Variants in GRID1 observed in about 807,000 individuals in gnomAD.
The protein encoded by GRID1 is glutamate ionotropic receptor delta type subunit 1, also known as glutamate receptor ionotropic, delta-1.
GRID1 carries 28 observed loss-of-function variants against 98.0 expected under a neutral mutation model. The observed-to-expected ratio is 0.29, with a 90% CI of 0.21 to 0.39. The LOEUF (loss-of-function observed/expected upper bound fraction) is 0.39. Ranked by LOEUF, GRID1 falls within the 10% of genes least tolerant of loss-of-function variation. The probability of loss-of-function intolerance (pLI) is 1.00; values close to 1 mark genes in which losing one functional copy is unlikely to be tolerated. For synonymous variants in GRID1, 553 were observed against 538.5 expected (o/e 1.03, Z -0.37); for missense variants, 1,111 against 1,340.5 (o/e 0.83, Z 2.67).
At chr10:85,780,028 G>C (rs751575206) in intron 8 of GRID1, among the ~76,000 whole-genome samples, 8 of 152,196 alleles carry the variant, frequency 5.3e-5, no homozygotes, top group Non-Finnish European at 1.0e-4. Flanking sequence ...TTCTTTCCAG[G>C]CACTAGCCCA....
chr10:86,343,124 TCAGA>T (rs1326351324), intron 2 of GRID1, among the ~76,000 whole-genome samples: 1 of 152,240 alleles, frequency 6.6e-6, no homozygotes, highest in Non-Finnish European at 1.5e-5. Flanking sequence ...TTGGAGATGT[TCAGA>T]ATTCCATCCA....
chr10:85,718,229 T>C (rs968367033), intron 12 of GRID1, among the ~76,000 whole-genome samples: 7 of 152,254 alleles, frequency 4.6e-5, no homozygotes, highest in Admixed American at 1.3e-4. Flanking sequence ...CCCTTCCGCA[T>C]TGCCCTAGCA....
In GRID1 at chr10:86,206,581, G is replaced by A. The variant is rs1284434326; in HGVS notation, c.303C>T (p.Ala101=). Residue 101 remains alanine, a synonymous_variant, in exon 3 of 16, where the codon GCC becomes GCT. Coordinates refer to ENST00000327946, the MANE Select transcript of GRID1 (RefSeq NM_017551.3). This position sits in a 1 kb window ranked among gnomAD's most constrained non-coding sequence, Gnocchi z 4.1. ...VTSTGCASAN[A]LQSLTDAMHI... ...GCATGGCATCCGTGAGGGACTGCAG[G>A]GCATTGGCAGATGCACAGCCAGTGG... The A allele has an allele frequency of 1.2e-6, 2 of 1,614,054 alleles. No individual in the cohort carries two copies. Among genetic ancestry groups the A allele is most frequent in the Admixed American group, 1.7e-5 (1 of 60,026 alleles).
intron 2 of GRID1, among the ~76,000 whole-genome samples, chr10:86,232,732 C>T (rs1440122978): frequency 6.6e-6 from 1 of 152,190 alleles, no homozygotes; most frequent in Non-Finnish European, 1.5e-5. Context: ...TTTTCACTAT[C>T]CATCTTCCTT....
intron 8 of GRID1, among the ~76,000 whole-genome samples, chr10:85,739,407 C>A (rs1194836948): frequency 6.6e-6 from 1 of 151,790 alleles, no homozygotes; most frequent in Non-Finnish European, 1.5e-5. Flanking sequence ...TGGCAAGACT[C>A]CATCTCTAAA....
At chr10:85,894,553 T>G (rs1242253209) in intron 5 of GRID1, among the ~76,000 whole-genome samples, 1 of 152,190 alleles carries the variant, frequency 6.6e-6, no homozygotes, top group Admixed American at 6.5e-5. Context: ...ATCATGATTG[T>G]GGTGATGATT....
chr10:86,284,896 C>T (rs1187115619), intron 2 of GRID1, among the ~76,000 whole-genome samples: 1 of 152,160 alleles, frequency 6.6e-6, no homozygotes, highest in Non-Finnish European at 1.5e-5. Flanking sequence ...CTGGCTCTAC[C>T]CTGGTCTGCA....
chr10:85,675,678 TC>T (rs1281646064), intron 12 of GRID1, among the ~76,000 whole-genome samples: 2 of 152,192 alleles, frequency 1.3e-5, no homozygotes, highest in African/African-American at 4.8e-5. Context: ...AATTCAACAT[TC>T]AAACTTCAGA....
chr10:86,115,238 C>T (rs549773092), intron 4 of GRID1, among the ~76,000 whole-genome samples: 47 of 152,308 alleles, frequency 3.1e-4, no homozygotes, highest in Middle Eastern at 3.4e-3. Flanking sequence ...TAAAGGATTG[C>T]TTTGCATGCC....
At chr10:85,709,807 C>T (rs576644258) in intron 12 of GRID1, among the ~76,000 whole-genome samples, 1 of 152,170 alleles carries the variant, frequency 6.6e-6, no homozygotes, top group Admixed American at 6.5e-5. Context: ...GGAATATAGA[C>T]CATAGCTAAA....
chr10:85,707,286 C>A (rs1311297210), intron 12 of GRID1, among the ~76,000 whole-genome samples: 1 of 152,080 alleles, frequency 6.6e-6, no homozygotes, highest in African/African-American at 2.4e-5. Flanking sequence ...CAAACAATCC[C>A]ATCAAAAAGT....
intron 5 of GRID1, among the ~76,000 whole-genome samples, chr10:85,881,077 G>T (rs1197526183): frequency 6.6e-6 from 1 of 152,270 alleles, no homozygotes; most frequent in Non-Finnish European, 1.5e-5. Flanking sequence ...GGACGTGAGG[G>T]ACCTCTTCAA....
chr10:85,630,888 T>A (rs2132534674), intron 13 of GRID1, among the ~76,000 whole-genome samples: 1 of 152,312 alleles, frequency 6.6e-6, no homozygotes, highest in East Asian at 1.9e-4. Context: ...TAATTTCTGA[T>A]CTTCTCTTGA....
chr10:85,755,521 G>A (rs1302623987), intron 8 of GRID1, among the ~76,000 whole-genome samples: 4 of 152,312 alleles, frequency 2.6e-5, no homozygotes, highest in South Asian at 2.1e-4. Flanking sequence ...AAAGCAAGTC[G>A]CAGGAGTGCC....
chr10:85,674,713 GTT>G (rs796827862), intron 12 of GRID1, among the ~76,000 whole-genome samples: 6 of 145,274 alleles, frequency 4.1e-5, no homozygotes, highest in East Asian at 2.0e-4. Flanking sequence ...AAAATTGCAG[GTT>G]TTTTTTTTTT....
At chr10:85,857,734 TAGG>T (rs1193619173) in intron 6 of GRID1, among the ~76,000 whole-genome samples, 1 of 152,096 alleles carries the variant, frequency 6.6e-6, no homozygotes, top group Non-Finnish European at 1.5e-5. Flanking sequence ...CAGATAAAAA[TAGG>T]AGATCATGTC....
At chr10:85,850,554 G>A (rs568457779) in intron 8 of GRID1, among the ~76,000 whole-genome samples, 2 of 152,344 alleles carry the variant, frequency 1.3e-5, no homozygotes, top group South Asian at 4.1e-4. Context: ...GGCTGCAAGA[G>A]GGAGCCTCCC....
intron 8 of GRID1, among the ~76,000 whole-genome samples, chr10:85,762,016 CA>C (rs1277217190): frequency 6.6e-6 from 1 of 152,200 alleles, no homozygotes; most frequent in East Asian, 1.9e-4. Flanking sequence ...AAAGCCTTCC[CA>C]AATATCTCAA....
intron 5 of GRID1, among the ~76,000 whole-genome samples, chr10:85,880,552 GC>G (rs1386484010): frequency 6.6e-5 from 10 of 151,804 alleles, no homozygotes; most frequent in African/African-American, 2.2e-4. Context: ...TGCAGAAAAG[GC>G]CTTTGACAAA....
Sources: allele counts gnomAD v4.1 joint callset (sites outside exome capture counted in the v4.1 genomes callset), GRCh38; gene constraint gnomAD v4.1.1; non-coding constraint Gnocchi (gnomAD v3.1); transcripts MANE v1.5; gene names NCBI Gene and HGNC (gene_info 2026-07-23, HGNC 2026-07-21).